The following ANO4 variants were observed in gnomAD, a reference collection of about 807,000 sequenced individuals.
The protein encoded by ANO4 is anoctamin-4.
Under a neutral mutation model 141.9 loss-of-function variants are expected in ANO4, and 69 were observed. The observed-to-expected ratio is 0.49, with a 90% confidence interval of 0.40 to 0.59. The LOEUF is 0.59. Ranked by LOEUF, ANO4 falls within the 20% of genes least tolerant of loss-of-function variation. ANO4 has a pLI of 0.00. For synonymous variants in ANO4, 350 were observed against 394.3 expected, an observed-to-expected ratio of 0.89 and a Z score of 1.33; for missense variants, 894 against 1,162.2, an observed-to-expected ratio of 0.77 and a Z score of 3.36.
At chr12:100,768,948 G>C (rs2033191590) in intron 3 of ANO4, among the ~76,000 whole-genome samples, 1 of 152,138 alleles carries the variant, frequency 6.6e-6, no homozygotes. Flanking sequence ...TATTAAAAAT[G>C]TCATGTCATG....
At chr12:101,075,486 A>G (rs1049457362) in intron 14 of ANO4, among the ~76,000 whole-genome samples, 1 of 151,940 alleles carries the variant, frequency 6.6e-6, no homozygotes, top group Admixed American at 6.6e-5. Context: ...TTTAGCTGAG[A>G]AAATTCTTGT....
rs185386271 is a variant in ANO4, at chr12:100,911,803, T to C, written c.55+9963T>C. ...AGAAGAAGGACAGTCAAGAAAGACT[T>C]GTTCCTAGTTCTGCCAAGAGTCAGG... On this transcript the variant is annotated intron_variant, in intron 2 of 27. Coordinates refer to ENST00000392977, the MANE Select transcript of ANO4 (RefSeq NM_001286615.2). 4.6e-5 allele frequency among the ~76,000 whole-genome samples: 7 copies of C among 152,254 alleles called. No homozygotes were observed. In the East Asian group the frequency reaches 9.6e-4, roughly 21 times the overall value.
At chr12:101,001,479 G>A (rs1022662017) in intron 8 of ANO4, among the ~76,000 whole-genome samples, 3 of 152,154 alleles carry the variant, frequency 2.0e-5, no homozygotes, top group Admixed American at 6.6e-5. Context: ...TTTACAGAAG[G>A]AGGCGCAGAA....
chr12:100,840,918 C>T (rs1019724794), intron 1 of ANO4, among the ~76,000 whole-genome samples: 1 of 152,144 alleles, frequency 6.6e-6, no homozygotes, highest in Non-Finnish European at 1.5e-5. Flanking sequence ...TGAAAAACTA[C>T]CAGATCATGT....
intron 1 of ANO4, among the ~76,000 whole-genome samples, chr12:100,845,988 G>A (rs1473931069): frequency 6.6e-6 from 1 of 152,186 alleles, no homozygotes; most frequent in Non-Finnish European, 1.5e-5. Flanking sequence ...ACCTGGGTTT[G>A]AGTTCTGCCT....
chr12:100,899,660 T>A (rs180803991), intron 1 of ANO4, among the ~76,000 whole-genome samples: 28 of 152,308 alleles, frequency 1.8e-4, no homozygotes, highest in Admixed American at 1.7e-3. Flanking sequence ...ATCCTCTTTT[T>A]CCCCTGGGAA....
At chr12:100,719,602 G>T (rs1177926522) in intron 1 of ANO4, among the ~76,000 whole-genome samples, 1 of 152,128 alleles carries the variant, frequency 6.6e-6, no homozygotes, top group East Asian at 1.9e-4. Flanking sequence ...GTGTTTAATT[G>T]ACTGATTTAA....
chr12:101,012,117 A>G (rs949652878), intron 8 of ANO4, among the ~76,000 whole-genome samples: 4 of 152,196 alleles, frequency 2.6e-5, no homozygotes, highest in South Asian at 2.1e-4. Flanking sequence ...TATCTATAAT[A>G]TAACCTGACA....
intron 14 of ANO4, among the ~76,000 whole-genome samples, chr12:101,057,414 C>T (rs2048168561): frequency 2.6e-5 from 4 of 152,134 alleles, no homozygotes; most frequent in Admixed American, 2.6e-4. Context: ...GTTCTAGATC[C>T]TTGAGGAGTC....
intron 1 of ANO4, among the ~76,000 whole-genome samples, chr12:100,733,319 C>T (rs544824741): frequency 1.3e-5 from 2 of 152,290 alleles, no homozygotes; most frequent in East Asian, 3.9e-4. Context: ...GATAGCTCCC[C>T]TGCCTGCATC....
At chr12:101,012,189 C>G (rs908137483) in intron 8 of ANO4, among the ~76,000 whole-genome samples, 1 of 152,044 alleles carries the variant, frequency 6.6e-6, no homozygotes, top group African/African-American at 2.4e-5. Flanking sequence ...TACTTGGGGC[C>G]TAGAGTAGAG....
chr12:101,038,263 A>ACATCATGTGGCTT (rs2047276008), intron 10 of ANO4, among the ~76,000 whole-genome samples: 1 of 152,146 alleles, frequency 6.6e-6, no homozygotes, highest in African/African-American at 2.4e-5. Context: ...GTTCCCCAAA[A>ACATCATGTGGCTT]CATCATGTGG....
At chr12:100,830,918 A>G (rs747459541) in intron 1 of ANO4, among the ~76,000 whole-genome samples, 25 of 152,064 alleles carry the variant, frequency 1.6e-4, no homozygotes, top group Non-Finnish European at 8.8e-5. Flanking sequence ...GTATACCATA[A>G]GCTCTTATAA....
At chr12:100,796,830 G>A (rs1217458672) in intron 1 of ANO4, among the ~76,000 whole-genome samples, 1 of 151,828 alleles carries the variant, frequency 6.6e-6, no homozygotes, top group African/African-American at 2.4e-5. Context: ...TTCTTACTTT[G>A]CTTAATCTTT....
intron 7 of ANO4, among the ~76,000 whole-genome samples, chr12:100,984,809 C>G (rs1473385363): frequency 2.0e-5 from 3 of 152,192 alleles, no homozygotes; most frequent in Non-Finnish European, 2.9e-5. Context: ...TTTAATTACC[C>G]TGTTCTACTC....
At chr12:101,055,168 C>T (rs2048059490) in intron 14 of ANO4, among the ~76,000 whole-genome samples, 1 of 152,080 alleles carries the variant, frequency 6.6e-6, no homozygotes, top group Non-Finnish European at 1.5e-5. Flanking sequence ...TTCATAAAAG[C>T]CTTTGTAGCC....
intron 3 of ANO4, among the ~76,000 whole-genome samples, chr12:100,750,032 G>T (rs2032301839): frequency 6.6e-6 from 1 of 152,148 alleles, no homozygotes; most frequent in Non-Finnish European, 1.5e-5. Flanking sequence ...TCAAACTTTA[G>T]TGTCAATATA....
In ANO4 at chr12:101,024,144, T is replaced by C. The variant is rs189220332; in HGVS notation, c.841+4004T>C. Reference sequence around the variant, plus strand: ...GAGCCATTTAATAGCTCAACAAAGATTTATTTAACAATGTGGGTGCATACA... The same window carrying C: ...GAGCCATTTAATAGCTCAACAAAGACTTATTTAACAATGTGGGTGCATACA... On this transcript the variant is annotated intron_variant, in intron 9 of 27. Transcript: ENST00000392977. 1.9e-3 allele frequency among the ~76,000 whole-genome samples: 294 copies of C among 152,346 alleles called. 2 individuals carry two copies. Among genetic ancestry groups the C allele is most frequent in the Non-Finnish European group, 2.6e-3 (177 of 68,036 alleles).
At chr12:100,796,700 T>G (rs1412750212) in intron 1 of ANO4, among the ~76,000 whole-genome samples, 3 of 152,052 alleles carry the variant, frequency 2.0e-5, no homozygotes, top group African/African-American at 7.2e-5. Flanking sequence ...TAATATCCAC[T>G]CTTCCCTACA....
Sources: allele counts gnomAD v4.1 joint callset (sites outside exome capture counted in the v4.1 genomes callset), GRCh38; gene constraint gnomAD v4.1.1; transcripts MANE v1.5; gene names NCBI Gene and HGNC (gene_info 2026-07-23, HGNC 2026-07-21).